COX7B2: variants seen among roughly 807,000 people sequenced by gnomAD.
COX7B2 encodes cytochrome c oxidase subunit 7B2.
For synonymous variants in COX7B2, 37 were observed against 32.1 expected (o/e 1.15, Z -0.51); for missense variants, 109 against 95.9 (o/e 1.14, Z -0.57).
At chr4:46,758,611 C>T (rs1560359069) in intron 2 of COX7B2, among the ~76,000 whole-genome samples, 1 of 152,186 alleles carries the variant, frequency 6.6e-6, no homozygotes, top group East Asian at 1.9e-4. Context: ...GTGAATAAGT[C>T]CAACTCTTTT....
At position 46,754,728 on chromosome 4, in the gene COX7B2, G is replaced by GTATATATATATATATA. The variant is rs56248005; in HGVS notation, c.-49-19503_-49-19488dup. Among the ~76,000 whole-genome samples the GTATATATATATATATA allele has an allele frequency of 1.7e-3, 66 of 39,856 alleles. 5 individuals are homozygous for GTATATATATATATATA. The highest frequency in any genetic ancestry group is 2.3e-3 in the Admixed American group (5 of 2,204). 26.1% of individuals were successfully genotyped at this position (39,856 alleles called of 152,430 possible). ...TGTGTGTGTGTGTGTGTGTGTGTGTGTATATATATATATATATATATGAAA... is the reference window on the plus strand; with the variant it reads ...TGTGTGTGTGTGTGTGTGTGTGTGTGTATATATATATATATATATATATATATATATATATATGAAA... On this transcript the variant is annotated intron_variant, in intron 2 of 2. Transcript: ENST00000355591.
intron 2 of COX7B2, among the ~76,000 whole-genome samples, chr4:46,801,421 C>G (rs775044664): frequency 3.9e-5 from 6 of 152,084 alleles, no homozygotes; most frequent in Non-Finnish European, 2.9e-5. Context: ...AACATCATGT[C>G]CTTTGCAGCA....
intron 2 of COX7B2, among the ~76,000 whole-genome samples, chr4:46,837,779 T>A (rs1715637068): frequency 6.6e-6 from 1 of 152,054 alleles, no homozygotes; most frequent in Non-Finnish European, 1.5e-5. Context: ...ACATTCTGCT[T>A]TGTGTGTTCC....
chr4:46,875,008 A>G (rs1019649692), intron 1 of COX7B2, among the ~76,000 whole-genome samples: 1 of 151,796 alleles, frequency 6.6e-6, no homozygotes, highest in Non-Finnish European at 1.5e-5. Context: ...AATGCTTCAC[A>G]CCTCCCCCTT....
At chr4:46,779,004 TTACATTCATTGA>T (rs1316279513) in intron 2 of COX7B2, among the ~76,000 whole-genome samples, 1 of 152,198 alleles carries the variant, frequency 6.6e-6, no homozygotes, top group Non-Finnish European at 1.5e-5. Context: ...CTGAAAATTT[TTACATTCATTGA>T]TACAATTCTT....
At chr4:46,783,091 G>A (rs1717568404) in intron 2 of COX7B2, among the ~76,000 whole-genome samples, 1 of 152,154 alleles carries the variant, frequency 6.6e-6, no homozygotes, top group Non-Finnish European at 1.5e-5. Flanking sequence ...CACTAAAAAT[G>A]GGGTACATGA....
intron 1 of COX7B2, among the ~76,000 whole-genome samples, chr4:46,850,255 G>T (rs1016685134): frequency 3.3e-5 from 5 of 151,140 alleles, no homozygotes; most frequent in Admixed American, 1.3e-4. Context: ...TAATTTAAAT[G>T]ATTTAAAATG....
At chr4:46,893,860 T>TA (rs796507535) in intron 1 of COX7B2, among the ~76,000 whole-genome samples, 6 of 152,254 alleles carry the variant, frequency 3.9e-5, no homozygotes, top group African/African-American at 1.4e-4. Flanking sequence ...AATTATCTTA[T>TA]ATACCAACAA....
At chr4:46,897,399 AG>A (rs1156676448) in intron 1 of COX7B2, among the ~76,000 whole-genome samples, 4 of 152,208 alleles carry the variant, frequency 2.6e-5, no homozygotes, top group Non-Finnish European at 4.4e-5. Flanking sequence ...TCTCTGTCTC[AG>A]GAGAATGCTA....
chr4:46,856,578 C>A (rs892582944), intron 1 of COX7B2, among the ~76,000 whole-genome samples: 1 of 152,226 alleles, frequency 6.6e-6, no homozygotes, highest in South Asian at 2.1e-4. Flanking sequence ...ATAACTTGAG[C>A]CAAAAATGAC....
chr4:46,826,829 T>C (rs1381206155), intron 2 of COX7B2, among the ~76,000 whole-genome samples: 1 of 151,652 alleles, frequency 6.6e-6, no homozygotes, highest in Non-Finnish European at 1.5e-5. Flanking sequence ...ATGAACACAA[T>C]GAAGGAAACA....
intron 1 of COX7B2, among the ~76,000 whole-genome samples, chr4:46,905,084 C>T: frequency 6.6e-6 from 1 of 151,224 alleles, no homozygotes; most frequent in Non-Finnish European, 1.5e-5. Context: ...AGAGTTGATA[C>T]AAGATATAAA....
At chr4:46,779,333 T>C (rs1717318625) in intron 2 of COX7B2, among the ~76,000 whole-genome samples, 1 of 152,206 alleles carries the variant, frequency 6.6e-6, no homozygotes, top group South Asian at 2.1e-4. Flanking sequence ...TTCATTCATA[T>C]TGTCACAAAT....
intron 1 of COX7B2, among the ~76,000 whole-genome samples, chr4:46,886,272 T>C (rs1719077133): frequency 1.3e-5 from 2 of 152,166 alleles, no homozygotes; most frequent in African/African-American, 4.8e-5. Flanking sequence ...TTAATTGATA[T>C]TTCATAGTTG....
intron 2 of COX7B2, among the ~76,000 whole-genome samples, chr4:46,799,105 T>A (rs1423415477): frequency 1.3e-5 from 2 of 152,184 alleles, no homozygotes; most frequent in East Asian, 3.9e-4. Flanking sequence ...GAAGGTTTTC[T>A]CTTTCTTGTG....
At chr4:46,828,133 G>A (rs1714821834) in intron 2 of COX7B2, among the ~76,000 whole-genome samples, 1 of 152,128 alleles carries the variant, frequency 6.6e-6, no homozygotes, top group Non-Finnish European at 1.5e-5. Context: ...AATGCAAAAT[G>A]TAACAAATTT....
chr4:46,765,702 C>T (rs1295177494), intron 2 of COX7B2, among the ~76,000 whole-genome samples: 1 of 151,944 alleles, frequency 6.6e-6, no homozygotes, highest in Non-Finnish European at 1.5e-5. Flanking sequence ...GCCCCAGGCA[C>T]ATCACTGCAC....
chr4:46,823,904 G>GA (rs912494609), intron 2 of COX7B2, among the ~76,000 whole-genome samples: 40 of 143,792 alleles, frequency 2.8e-4, no homozygotes, highest in East Asian at 6.0e-4. Context: ...TATCAGGAAT[G>GA]AAAAAAAAAA....
chr4:46,788,299 GA>G (rs1212436488), intron 2 of COX7B2, among the ~76,000 whole-genome samples: 1 of 151,818 alleles, frequency 6.6e-6, no homozygotes, highest in Non-Finnish European at 1.5e-5. Context: ...AATCTGAACT[GA>G]AAAAAACAAT....
Sources: allele counts gnomAD v4.1 joint callset (sites outside exome capture counted in the v4.1 genomes callset), GRCh38; gene constraint gnomAD v4.1.1; transcripts MANE v1.5; gene names NCBI Gene and HGNC (gene_info 2026-07-23, HGNC 2026-07-21).